INPP5D: variants seen among roughly 807,000 people sequenced by gnomAD.
The protein encoded by INPP5D is phosphatidylinositol 3,4,5-trisphosphate 5-phosphatase 1.
A neutral mutation model predicts 122.9 loss-of-function variants in INPP5D; 33 were observed. The ratio of observed to expected loss-of-function variants is 0.27; its 90% CI spans 0.20 to 0.36. The LOEUF is 0.36. Among genes scored for constraint, INPP5D ranks in the 10% least tolerant of loss-of-function variants. The pLI is 1.00. For missense variants in INPP5D, 1,053 were observed against 1,412.7 expected (o/e 0.75, Z 4.08); for synonymous variants, 584 against 576.2 (o/e 1.01, Z -0.19).
rs1694262689 is a variant in INPP5D, at chr2:233,164,096, C to T, written c.1437+193C>T. Among the ~76,000 whole-genome samples the T allele has an allele frequency of 6.6e-6, 1 of 152,132 alleles. No homozygotes were observed. The highest frequency in any genetic ancestry group is 2.4e-5 in the African/African-American group (1 of 41,422). Reference sequence around the variant, plus strand: ...GGGTATTGCTGAAAACCACTGAGTCCTCTATCTTCCCACCCTTGGTCAGCC... The same window carrying T: ...GGGTATTGCTGAAAACCACTGAGTCTTCTATCTTCCCACCCTTGGTCAGCC... On this transcript the variant is annotated intron_variant, in intron 12 of 26. Transcript: ENST00000445964. The surrounding 1 kb of genome is among the most constrained non-coding windows in gnomAD (Gnocchi z 4.3).
At chr2:233,159,496 G>A (rs920446371) in intron 10 of INPP5D, among the ~76,000 whole-genome samples, 5 of 150,768 alleles carry the variant, frequency 3.3e-5, no homozygotes, top group Non-Finnish European at 5.9e-5. Context: ...CCAAGAGTTC[G>A]AGACTAGCCT....
chr2:233,180,174 G>A (rs1694746544), intron 18 of INPP5D, among the ~76,000 whole-genome samples: 1 of 152,010 alleles, frequency 6.6e-6, no homozygotes, highest in Admixed American at 6.6e-5. Flanking sequence ...AGGTCCCATT[G>A]GCCAAAGAAA....
intron 10 of INPP5D, among the ~76,000 whole-genome samples, chr2:233,159,128 C>T (rs539529630): frequency 2.0e-5 from 3 of 152,296 alleles, no homozygotes; most frequent in Non-Finnish European, 2.9e-5. Flanking sequence ...TTCATTTCTA[C>T]ACTTTGCCCC....
intron 2 of INPP5D, among the ~76,000 whole-genome samples, chr2:233,115,392 G>A (rs1692759426): frequency 6.6e-6 from 1 of 152,202 alleles, no homozygotes; most frequent in Non-Finnish European, 1.5e-5. Context: ...GGAAACTTGA[G>A]CCTGTGCAAT....
chr2:233,107,083 A>G lies in INPP5D; in HGVS notation c.199-15024A>G, dbSNP rs143764902. On this transcript the variant is annotated intron_variant, in intron 2 of 26. Transcript: ENST00000445964. The stretch of plus-strand genomic sequence containing the variant: ...GAGATTTGGGGACCTGATGATCTCA[A>G]CATCCCAGTGGGAATCCCAGCTCAT... Among the ~76,000 whole-genome samples the G allele has an allele frequency of 2.2e-3, 342 of 152,326 alleles. 2 individuals carry two copies. The highest frequency in any genetic ancestry group is 3.5e-3 in the Non-Finnish European group (239 of 68,030).
intron 3 of INPP5D, among the ~76,000 whole-genome samples, chr2:233,124,467 G>A (rs1693093822): frequency 6.6e-6 from 1 of 152,192 alleles, no homozygotes; most frequent in African/African-American, 2.4e-5. Flanking sequence ...AGGGTCCCAG[G>A]CAGGCCCTGT....
chr2:233,192,154 T>A (rs1695074595), intron 22 of INPP5D, among the ~76,000 whole-genome samples: 1 of 152,146 alleles, frequency 6.6e-6, no homozygotes, highest in Non-Finnish European at 1.5e-5. Flanking sequence ...CTAATAGGGA[T>A]CCCCTCGTCA....
At chr2:233,184,094 C>G (rs1384394868) in intron 19 of INPP5D, among the ~76,000 whole-genome samples, 1 of 152,180 alleles carries the variant, frequency 6.6e-6, no homozygotes, top group East Asian at 1.9e-4. Flanking sequence ...CTGGAACTAG[C>G]TGGGAGCCTG....
chr2:233,151,023 C>T (rs1053213193), intron 9 of INPP5D, among the ~76,000 whole-genome samples: 9 of 152,126 alleles, frequency 5.9e-5, no homozygotes, highest in South Asian at 2.1e-4. Context: ...CCGCTGGGCA[C>T]GCCATCCTAG....
chr2:233,075,609 GTGTGTGTGTA>G (rs2106205863), intron 1 of INPP5D, among the ~76,000 whole-genome samples: 1 of 152,320 alleles, frequency 6.6e-6, no homozygotes, highest in Non-Finnish European at 1.5e-5. Flanking sequence ...ATGTGTGTGT[GTGTGTGTGTA>G]TATAGGACCA....
At chr2:233,079,482 T>C (rs2106209783) in intron 2 of INPP5D, 84 bp downstream of exon 2, 1 of 906,606 alleles carries the variant, frequency 1.1e-6, no homozygotes, top group Non-Finnish European at 1.8e-6. Flanking sequence ...AGGAAGGAAG[T>C]GCACGCGCAG....
chr2:233,136,362 C>T lies in INPP5D; in HGVS notation c.666-3480C>T, dbSNP rs79625383. Among the ~76,000 whole-genome samples the T allele has an allele frequency of 8.9e-4, 136 of 152,048 alleles. No homozygotes were observed. The Middle Eastern group carries it at 0.01, about 11-fold the overall frequency. ...AATGTGGTGTTGCACACCTGTAATC[C>T]CAGCTACTCAGGAGGCTGAGGTAGG... On this transcript the variant is annotated intron_variant, in intron 5 of 26. Coordinates refer to ENST00000445964, the MANE Select transcript of INPP5D (RefSeq NM_001017915.3).
Position 233,151,800 on chromosome 2 carries a change from C to T in INPP5D, c.1030+4206C>T, listed in dbSNP as rs530243531. ...GATCAGTAAATGCATATTGAGAGAA[C>T]GCATGCATGAATCAGTGAATGAATG... is the stretch of plus-strand genomic sequence containing the variant. On this transcript the variant is annotated intron_variant, in intron 9 of 26. Coordinates refer to ENST00000445964, the MANE Select transcript of INPP5D (RefSeq NM_001017915.3). 1.5e-4 allele frequency among the ~76,000 whole-genome samples: 23 copies of T among 152,270 alleles called. 1 individual carries two copies. The highest frequency in any genetic ancestry group is 1.4e-3 in the Admixed American group (21 of 15,298).
chr2:233,126,529 T>A (rs1422417690), intron 4 of INPP5D, among the ~76,000 whole-genome samples: 2 of 152,228 alleles, frequency 1.3e-5, no homozygotes, highest in African/African-American at 4.8e-5. Context: ...GCACGCTCCT[T>A]GATTTATTTG....
intron 2 of INPP5D, among the ~76,000 whole-genome samples, chr2:233,116,316 G>A (rs750084131): frequency 1.4e-5 from 2 of 147,500 alleles, no homozygotes; most frequent in African/African-American, 2.7e-5. Flanking sequence ...TTGAGACAGG[G>A]TCTTGCTCTG....
chr2:233,121,984 A>C (rs1692995133), intron 2 of INPP5D, 123 bp from the exon 3 acceptor site: 1 of 1,142,728 alleles, frequency 8.8e-7, no homozygotes, highest in East Asian at 2.4e-5. Context: ...GTAGGAGCCC[A>C]AGGCTTTTCC....
At chr2:233,198,519 C>T in intron 25 of INPP5D, 143 bp downstream of exon 25, 1 of 1,293,640 alleles carries the variant, frequency 7.7e-7, no homozygotes, top group Non-Finnish European at 1.0e-6. Context: ...GGCCTGAACA[C>T]AGCAGGCCCC....
chr2:233,082,236 A>G lies in INPP5D; in HGVS notation c.198+2838A>G, dbSNP rs1164456583. Among the ~76,000 whole-genome samples the G allele has an allele frequency of 6.6e-6, 1 of 152,204 alleles. No homozygotes were observed. The highest frequency in any genetic ancestry group is 1.5e-5 in the Non-Finnish European group (1 of 68,038). On this transcript the variant is annotated intron_variant, in intron 2 of 26. Transcript: ENST00000445964. This position sits in a 1 kb window ranked among gnomAD's most constrained non-coding sequence, Gnocchi z 4.7. The stretch of plus-strand genomic sequence containing the variant: ...CAGGTGGACTCACCTTCGAAAATCT[A>G]CCTCCAAGAGTAAATGACAGCAGAC...
chr2:233,170,556 G>A lies in INPP5D; in HGVS notation c.1852G>A (p.Asp618Asn). ...QQQYADLLSH[D>N]QLLTERREQK... is the part of the protein sequence containing the mutation. ...GCAGTACGCAGACCTCCTGTCCCAC[G>A]ACCAGCTGCTCACAGAGAGGAGGGA... is the stretch of plus-strand genomic sequence containing the variant. Residue 618 changes from aspartate to asparagine, a missense_variant, in exon 16 of 27, where the codon GAC (aspartate) becomes AAC (asparagine). Asp to Asn is a conservative substitution (Grantham distance 23). Transcript: ENST00000445964. This position sits in a 1 kb window ranked among gnomAD's most constrained non-coding sequence, Gnocchi z 4.5. The A allele has an allele frequency of 1.2e-6, 2 of 1,613,526 alleles. No homozygotes were observed. Among genetic ancestry groups the A allele is most frequent in the Non-Finnish European group, 8.5e-7 (1 of 1,179,764 alleles).
Sources: allele counts gnomAD v4.1 joint callset (sites outside exome capture counted in the v4.1 genomes callset), GRCh38; gene constraint gnomAD v4.1.1; non-coding constraint Gnocchi (gnomAD v3.1); transcripts MANE v1.5; gene names NCBI Gene and HGNC (gene_info 2026-07-23, HGNC 2026-07-21).